SLC25A46: variants seen among roughly 807,000 people sequenced by gnomAD.
SLC25A46 encodes the protein solute carrier family 25 member 46.
A neutral mutation model predicts 44.6 loss-of-function variants in SLC25A46; 39 were observed. The observed-to-expected ratio is 0.87, with a 90% CI of 0.68 to 1.14. The LOEUF (loss-of-function observed/expected upper bound fraction) is 1.14, where lower values mean the gene tolerates loss of function less well. Ranked by LOEUF, SLC25A46 falls within the 50% of genes most tolerant of loss-of-function variation. The pLI is 0.00. For synonymous variants in SLC25A46, 202 were observed against 185.8 expected (o/e 1.09, Z -0.71); for missense variants, 547 against 522.7 (o/e 1.05, Z -0.45).
chr5:110,751,215 G>A (rs1799962345), intron 5 of SLC25A46, among the ~76,000 whole-genome samples: 1 of 152,170 alleles, frequency 6.6e-6, no homozygotes, highest in South Asian at 2.1e-4. Flanking sequence ...AAAGGTAACT[G>A]TTGCCAGGAA....
chr5:110,752,225 G>A (rs1407123687), intron 5 of SLC25A46, among the ~76,000 whole-genome samples: 2 of 152,130 alleles, frequency 1.3e-5, no homozygotes, highest in Non-Finnish European at 2.9e-5. Context: ...TGTTCATTAA[G>A]TCAGCAAATT....
At chr5:110,751,716 G>A (rs1325915413) in intron 5 of SLC25A46, among the ~76,000 whole-genome samples, 1 of 152,182 alleles carries the variant, frequency 6.6e-6, no homozygotes, top group Non-Finnish European at 1.5e-5. Context: ...TAGTGGCTAA[G>A]ATCAGGGTGG....
intron 2 of SLC25A46, 115 bp from the exon 3 acceptor site, chr5:110,743,615 G>A (rs965269758): frequency 1.9e-6 from 1 of 540,024 alleles, no homozygotes; most frequent in Middle Eastern, 5.1e-4. Context: ...TTTAAGAATG[G>A]AAAACATAAA....
At chr5:110,744,116 A>G (rs1799756952) in intron 3 of SLC25A46, among the ~76,000 whole-genome samples, 1 of 152,190 alleles carries the variant, frequency 6.6e-6, no homozygotes, top group African/African-American at 2.4e-5. Context: ...TTTTGCAAAT[A>G]TCTTTAATAT....
At chr5:110,751,521 G>C (rs1378111734) in intron 5 of SLC25A46, among the ~76,000 whole-genome samples, 3 of 152,140 alleles carry the variant, frequency 2.0e-5, no homozygotes, top group Non-Finnish European at 4.4e-5. Context: ...AGAGCAGGTG[G>C]GAGCCAGAAC....
chr5:110,751,289 T>C lies in SLC25A46; in HGVS notation c.563+3026T>C, dbSNP rs961702749. 2.6e-5 allele frequency among the ~76,000 whole-genome samples: 4 copies of C among 152,160 alleles called. No individual in the cohort carries two copies. In the East Asian group the frequency reaches 7.7e-4, roughly 29 times the overall value. On this transcript the variant is annotated intron_variant, in intron 5 of 7. Coordinates refer to ENST00000355943, the MANE Select transcript of SLC25A46 (RefSeq NM_138773.4). Reference sequence around the variant, plus strand: ...AATTCCATTAATGAATAATTGCAAATTGAAATTTGTTTTCTGAAGCAAAAG... The same window carrying C: ...AATTCCATTAATGAATAATTGCAAACTGAAATTTGTTTTCTGAAGCAAAAG...
intron 5 of SLC25A46, among the ~76,000 whole-genome samples, chr5:110,752,158 A>G: frequency 6.6e-6 from 1 of 152,170 alleles, no homozygotes; most frequent in South Asian, 2.1e-4. Context: ...GCCAATATTT[A>G]GGGGTTTTTA....
chr5:110,755,849 G>A (rs746092055), intron 6 of SLC25A46: 22 of 167,622 alleles, frequency 1.3e-4, no homozygotes, highest in Non-Finnish European at 2.3e-4. Flanking sequence ...AATCAGAGAT[G>A]CAAATGTATT....
upstream of SLC25A46, chr5:110,738,991 G>A (rs1322712210): frequency 1.4e-6 from 2 of 1,460,546 alleles, no homozygotes; most frequent in Admixed American, 2.8e-5. Flanking sequence ...GGTTTCCAAC[G>A]TGACTTCCGG....
At chr5:110,749,855 T>C (rs931490177) in intron 5 of SLC25A46, among the ~76,000 whole-genome samples, 3 of 152,104 alleles carry the variant, frequency 2.0e-5, no homozygotes, top group African/African-American at 7.2e-5. Flanking sequence ...ATAGGTAATA[T>C]TGGAAATTAG....
Position 110,761,855 on chromosome 5 carries a change from A to G in SLC25A46, c.*73A>G. 1 of 1,225,322 alleles carries G rather than the reference A, an allele frequency of 8.2e-7. No homozygotes were observed. Among genetic ancestry groups the G allele is most frequent in the African/African-American group, 1.5e-5 (1 of 65,370 alleles). The allele number at this position is 1,225,322 out of a possible 1,614,324, so 75.9% of individuals were successfully genotyped here. On this transcript the variant is annotated 3_prime_UTR_variant, in exon 8 of 8. Coordinates refer to ENST00000355943, the MANE Select transcript of SLC25A46 (RefSeq NM_138773.4). This position sits in a 1 kb window ranked among gnomAD's most constrained non-coding sequence, Gnocchi z 5.3. ...TTTGCTATGAAGTTATGAGGGATAC[A>G]AGTGAAATACTGGGGAAGAAAATGG...
intron 3 of SLC25A46, 80 bp downstream of exon 3, chr5:110,743,867 A>G: frequency 9.1e-7 from 1 of 1,103,682 alleles, no homozygotes; most frequent in Non-Finnish European, 1.3e-6. Context: ...AATGACATGA[A>G]ACCAGGTAAT....
In SLC25A46 at chr5:110,762,222, T is replaced by A. The variant is rs530534551; in HGVS notation, c.*440T>A. 1 of 154,408 alleles carries A rather than the reference T, an allele frequency of 6.5e-6. No homozygotes were observed. The highest frequency in any genetic ancestry group is 1.4e-5 in the Non-Finnish European group (1 of 69,542). The allele number at this position is 154,408 out of a possible 1,614,324, so 9.6% of individuals were successfully genotyped here. Reference sequence around the variant, plus strand: ...ATGTCCTTAATACAATCAGGAGGTTTTTACCTTTAAGCAAATAAATTATGT... The same window carrying A: ...ATGTCCTTAATACAATCAGGAGGTTATTACCTTTAAGCAAATAAATTATGT... On this transcript the variant is annotated 3_prime_UTR_variant, in exon 8 of 8. Coordinates refer to ENST00000355943, the MANE Select transcript of SLC25A46 (RefSeq NM_138773.4).
intron 6 of SLC25A46, chr5:110,756,116 G>A (rs1297592742): frequency 4.6e-5 from 7 of 152,056 alleles, no homozygotes; most frequent in African/African-American, 1.4e-4. Context: ...GGCCCATAAG[G>A]GTTAGGTAAG....
chr5:110,739,391 G>T lies in SLC25A46; in HGVS notation c.272G>T (p.Gly91Val). 6.5e-7 allele frequency: 1 copy of T among 1,545,282 alleles called. No individual in the cohort carries two copies. Among genetic ancestry groups the T allele is most frequent in the Non-Finnish European group, 8.7e-7 (1 of 1,149,718 alleles). Residue 91 changes from glycine to valine, a missense_variant, in exon 1 of 8, where the codon GGG (glycine) becomes GTG (valine). By Grantham distance (109) the Gly-to-Val change is moderately radical (BLOSUM62 -3). Coordinates refer to ENST00000355943, the MANE Select transcript of SLC25A46 (RefSeq NM_138773.4). Reference sequence around the variant, plus strand: ...AGTGGCGGCGGCGGCAGTGTGCAGGGGCAGAGCAGTGGTGAGAAGCATGGG... The same window carrying T: ...AGTGGCGGCGGCGGCAGTGTGCAGGTGCAGAGCAGTGGTGAGAAGCATGGG... Reference protein sequence around the residue: ...FSSGGGGSVQGQSSEQLNRFA... With the variant: ...FSSGGGGSVQVQSSEQLNRFA...
chr5:110,742,990 G>A (rs1295322402), intron 2 of SLC25A46, among the ~76,000 whole-genome samples: 1 of 152,022 alleles, frequency 6.6e-6, no homozygotes, highest in Non-Finnish European at 1.5e-5. Context: ...ACCCGAGGGT[G>A]TTAATGTCAA....
intron 7 of SLC25A46, among the ~76,000 whole-genome samples, chr5:110,758,587 C>T (rs1800170655): frequency 6.6e-6 from 1 of 151,860 alleles, no homozygotes; most frequent in Non-Finnish European, 1.5e-5. Context: ...AGTTCGAGAC[C>T]AGCCTGGCCA....
chr5:110,748,644 T>C (rs1283136871), intron 5 of SLC25A46, among the ~76,000 whole-genome samples: 1 of 152,204 alleles, frequency 6.6e-6, no homozygotes. Flanking sequence ...TCTACTGCTA[T>C]GTGCCAGCAA....
chr5:110,744,889 A>G (rs1799779320), intron 3 of SLC25A46, among the ~76,000 whole-genome samples: 1 of 152,206 alleles, frequency 6.6e-6, no homozygotes, highest in African/African-American at 2.4e-5. Context: ...CACACAGGAT[A>G]TTAATTAGAA....
Sources: allele counts gnomAD v4.1 joint callset (sites outside exome capture counted in the v4.1 genomes callset), GRCh38; gene constraint gnomAD v4.1.1; non-coding constraint Gnocchi (gnomAD v3.1); transcripts MANE v1.5; gene names NCBI Gene and HGNC (gene_info 2026-07-23, HGNC 2026-07-21).